Variants in PCDHA11 observed in about 807,000 individuals in gnomAD.
PCDHA11 encodes the protein protocadherin alpha 11, also known as protocadherin alpha-11.
In PCDHA11, 61 loss-of-function variants were observed where a neutral mutation model predicts 70.3. The observed-to-expected ratio is 0.87, with a 90% confidence interval of 0.71 to 1.07. The LOEUF is 1.07. Ranked by LOEUF, PCDHA11 falls within the 50% of genes least tolerant of loss-of-function variation. PCDHA11 has a pLI of 0.00. For missense variants in PCDHA11, 1,324 were observed against 1,237.5 expected, an observed-to-expected ratio of 1.07 and a Z score of -1.05; for synonymous variants, 633 against 555.1, an observed-to-expected ratio of 1.14 and a Z score of -1.97.
Position 140,949,948 on chromosome 5 carries a change from G to T in PCDHA11, c.2392-29001G>T, listed in dbSNP as rs2094436034. Among the ~76,000 whole-genome samples the T allele has an allele frequency of 2.0e-5, 3 of 151,288 alleles. No individual in the cohort carries two copies. In the South Asian group the frequency reaches 6.2e-4, roughly 31 times the overall value. On this transcript the variant is annotated intron_variant, in intron 1 of 3. Coordinates refer to ENST00000398640, the MANE Select transcript of PCDHA11 (RefSeq NM_018902.5). ...GATTTTTTTTAATTTGCATTTTTTA[G>T]TGGTTGCTGTAAGGATTACAGCATA...
At chr5:140,887,369 T>C (rs782675531) in intron 1 of PCDHA11, among the ~76,000 whole-genome samples, 1 of 152,200 alleles carries the variant, frequency 6.6e-6, no homozygotes, top group Non-Finnish European at 1.5e-5. Context: ...GTGCTGGGAT[T>C]ACAGGTGTGA....
intron 1 of PCDHA11, among the ~76,000 whole-genome samples, chr5:140,970,399 G>A (rs2096402631): frequency 6.6e-6 from 1 of 152,172 alleles, no homozygotes; most frequent in Non-Finnish European, 1.5e-5. Flanking sequence ...AAAGTGGATG[G>A]CTTACCCTAC....
intron 1 of PCDHA11, among the ~76,000 whole-genome samples, chr5:140,907,747 G>A (rs782672220): frequency 7.9e-5 from 12 of 152,172 alleles, no homozygotes; most frequent in Admixed American, 2.0e-4. Flanking sequence ...TGGCCACTTT[G>A]TTCATGGGCC....
intron 1 of PCDHA11, chr5:140,929,943 A>G (rs996777609): frequency 1.3e-5 from 2 of 152,224 alleles, no homozygotes; most frequent in African/African-American, 4.8e-5. Flanking sequence ...TCTCTAGCCT[A>G]TACTTTTAAT....
In PCDHA11 at chr5:140,870,789, G is replaced by A; in HGVS notation, c.1686G>A (p.Pro562=). 1.9e-6 allele frequency: 3 copies of A among 1,613,630 alleles called. No homozygotes were observed. The highest frequency in any genetic ancestry group is 1.7e-5 in the Admixed American group (1 of 60,022). Residue 562 remains proline, a synonymous_variant, in exon 1 of 4, where the codon CCG becomes CCA. Coordinates refer to ENST00000398640, the MANE Select transcript of PCDHA11 (RefSeq NM_018902.5). The part of the protein sequence containing the change: ...VFVLDENDNA[P]ALLATQAGSA... ...TGCTGGACGAGAACGACAACGCGCCGGCACTGCTGGCGACTCAGGCTGGCA... is the reference window on the plus strand; with the variant it reads ...TGCTGGACGAGAACGACAACGCGCCAGCACTGCTGGCGACTCAGGCTGGCA...
intron 1 of PCDHA11, chr5:140,882,442 G>A (rs1554174153): frequency 6.2e-7 from 1 of 1,613,948 alleles, no homozygotes; most frequent in African/African-American, 1.3e-5. Context: ...AGCTGGCGGA[G>A]CTGGTGCCGC....
At chr5:140,943,008 G>A (rs2093405058) in intron 1 of PCDHA11, among the ~76,000 whole-genome samples, 2 of 152,052 alleles carry the variant, frequency 1.3e-5, no homozygotes, top group African/African-American at 4.8e-5. Context: ...TGTAATCCCA[G>A]CACTTTGGGA....
At chr5:140,984,052 A>G (rs2097083396) in intron 3 of PCDHA11, among the ~76,000 whole-genome samples, 2 of 152,204 alleles carry the variant, frequency 1.3e-5, no homozygotes, top group African/African-American at 4.8e-5. Context: ...TCATTGACAA[A>G]TCTGTACCCT....
intron 1 of PCDHA11, among the ~76,000 whole-genome samples, chr5:140,950,903 T>C (rs2094530592): frequency 6.6e-6 from 1 of 152,024 alleles, no homozygotes; most frequent in South Asian, 2.1e-4. Context: ...TTTATTTTAT[T>C]TTTATTTTAT....
At position 141,010,147 on chromosome 5, in the gene PCDHA11, C is replaced by A; in HGVS notation, c.*210C>A. ...AAGTCTGGTGTTAACTCTTTCTCTC[C>A]ACTCTGGCTTGTTTTCAGAACCTAA... On this transcript the variant is annotated 3_prime_UTR_variant, in exon 4 of 4. Coordinates refer to ENST00000398640, the MANE Select transcript of PCDHA11 (RefSeq NM_018902.5). 1 of 1,583,190 alleles carries A rather than the reference C, an allele frequency of 6.3e-7. No individual in the cohort carries two copies. Among genetic ancestry groups the A allele is most frequent in the Non-Finnish European group, 8.6e-7 (1 of 1,163,606 alleles).
intron 1 of PCDHA11, among the ~76,000 whole-genome samples, chr5:140,898,131 T>C (rs371489317): frequency 6.6e-6 from 1 of 152,156 alleles, no homozygotes; most frequent in Non-Finnish European, 1.5e-5. Context: ...TTCTCCCATT[T>C]TGTAGGTTGC....
intron 1 of PCDHA11, among the ~76,000 whole-genome samples, chr5:140,921,875 A>G (rs1414785128): frequency 6.6e-6 from 1 of 152,118 alleles, no homozygotes; most frequent in Non-Finnish European, 1.5e-5. Flanking sequence ...CAGTATATAT[A>G]TAAGATTTTA....
intron 1 of PCDHA11, chr5:140,929,570 A>G (rs1563117537): frequency 2.2e-6 from 1 of 458,222 alleles, no homozygotes; most frequent in South Asian, 1.1e-4. Flanking sequence ...TAAGAACAAT[A>G]AAAGTAATAT....
intron 1 of PCDHA11, among the ~76,000 whole-genome samples, chr5:140,964,721 CA>C (rs1340678918): frequency 1.3e-5 from 2 of 151,598 alleles, no homozygotes; most frequent in African/African-American, 4.9e-5. Flanking sequence ...CAAATTACCA[CA>C]GCAAACTGAG....
chr5:140,976,486 G>C (rs782708902), intron 1 of PCDHA11, among the ~76,000 whole-genome samples: 1 of 152,078 alleles, frequency 6.6e-6, no homozygotes, highest in Non-Finnish European at 1.5e-5. Flanking sequence ...GGGAGGCAGA[G>C]GTTGCAGGGA....
chr5:140,950,512 G>T (rs1239372084), intron 1 of PCDHA11, among the ~76,000 whole-genome samples: 11 of 152,016 alleles, frequency 7.2e-5, no homozygotes, highest in Non-Finnish European at 7.4e-5. Context: ...TATTCCCTGT[G>T]TGCGATATGA....
chr5:140,932,966 G>C (rs2088764912), intron 1 of PCDHA11, among the ~76,000 whole-genome samples: 1 of 151,942 alleles, frequency 6.6e-6, no homozygotes, highest in South Asian at 2.1e-4. Context: ...TTGCTGAAAG[G>C]TTTTTACAAT....
intron 1 of PCDHA11, among the ~76,000 whole-genome samples, chr5:140,940,668 C>T (rs1475667382): frequency 3.3e-5 from 5 of 152,166 alleles, no homozygotes; most frequent in African/African-American, 1.2e-4. Flanking sequence ...AAATCTTCAT[C>T]TGATAATTCC....
chr5:140,967,908 A>G (rs554849478), intron 1 of PCDHA11: 5 of 1,614,138 alleles, frequency 3.1e-6, no homozygotes, highest in East Asian at 2.2e-5. Flanking sequence ...GCTACACCCA[A>G]CACCATTGTG....
Sources: gnomAD v4.1 joint callset for allele counts (sites outside exome capture counted in the v4.1 genomes callset) on GRCh38, gnomAD v4.1.1 for gene constraint, MANE v1.5 for transcripts, NCBI Gene and HGNC (gene_info 2026-07-23, HGNC 2026-07-21) for gene names.